The following SDK1 variants were observed in gnomAD, a reference collection of about 807,000 sequenced individuals.
The protein encoded by SDK1 is sidekick cell adhesion molecule 1, also known as protein sidekick-1.
In SDK1, 157 loss-of-function variants were observed where a neutral mutation model predicts 245.5. The observed-to-expected ratio is 0.64, with a 90% CI of 0.56 to 0.73. The LOEUF (loss-of-function observed/expected upper bound fraction) is 0.73. Among genes scored for constraint, SDK1 ranks in the 30% least tolerant of loss-of-function variants. The pLI, the probability that SDK1 is intolerant of heterozygous loss-of-function variation, is 0.00. For synonymous variants in SDK1, 1,647 were observed against 1,278.5 expected, an observed-to-expected ratio of 1.29 and a Z score of -6.15; for missense variants, 3,583 against 3,002.3, an observed-to-expected ratio of 1.19 and a Z score of -4.52.
chr7:3,563,786 C>A (rs966378450), intron 1 of SDK1, among the ~76,000 whole-genome samples: 1 of 151,796 alleles, frequency 6.6e-6, no homozygotes, highest in African/African-American at 2.4e-5. Context: ...AAAAATAAAC[C>A]GTGTATTATG....
Position 3,845,593 on chromosome 7 carries a change from C to T in SDK1, c.847+24010C>T, listed in dbSNP as rs530897748. Among the ~76,000 whole-genome samples the T allele has an allele frequency of 3.1e-4, 47 of 151,266 alleles. 1 individual carries two copies. In the South Asian group the frequency reaches 8.2e-3, roughly 26 times the overall value. On this transcript the variant is annotated intron_variant, in intron 5 of 44. Transcript: ENST00000404826. The stretch of plus-strand genomic sequence containing the variant: ...TAGGCAGGCCAGCGAGACTGGAAAC[C>T]AGGTAACAAAAGTGCCCTAAAAGCC...
chr7:4,234,597 C>G (rs1263453415), intron 41 of SDK1, among the ~76,000 whole-genome samples: 1 of 152,152 alleles, frequency 6.6e-6, no homozygotes, highest in Non-Finnish European at 1.5e-5. Flanking sequence ...AAAGCTGGTC[C>G]CTGGTTGTGG....
chr7:4,154,368 G>C (rs991657666), intron 30 of SDK1, among the ~76,000 whole-genome samples: 1 of 152,138 alleles, frequency 6.6e-6, no homozygotes, highest in Non-Finnish European at 1.5e-5. Context: ...CCTGAGTTTG[G>C]GATGATTAGA....
chr7:3,487,754 C>CAAAAAAA (rs764105126), intron 1 of SDK1, among the ~76,000 whole-genome samples: 144 of 64,672 alleles, frequency 2.2e-3, no homozygotes, highest in Non-Finnish European at 2.5e-3. Flanking sequence ...GACCCCATCT[C>CAAAAAAA]AAAAAAAAAA....
At chr7:3,366,096 G>A (rs926634250) in intron 1 of SDK1, among the ~76,000 whole-genome samples, 1 of 150,166 alleles carries the variant, frequency 6.7e-6, no homozygotes, top group Non-Finnish European at 1.5e-5. Flanking sequence ...TTACCGATTC[G>A]ATGTTAATAG....
rs558081838 is a variant in SDK1 at position 4,135,903 on chromosome 7, A to G, written c.4228+3480A>G. The stretch of plus-strand genomic sequence containing the variant: ...TGGTCCTAGTATTCCCGTTGCATGC[A>G]GCAGTGGTGTGCTGCCTTGATTTGT... On this transcript the variant is annotated intron_variant, in intron 28 of 44. Transcript: ENST00000404826. Among the ~76,000 whole-genome samples, 291 of 152,320 alleles carry G rather than the reference A, an allele frequency of 1.9e-3. 1 individual carries two copies. Among genetic ancestry groups the G allele is most frequent in the African/African-American group, 6.8e-3 (284 of 41,576 alleles).
At chr7:3,868,156 C>T (rs2057921) in intron 5 of SDK1, among the ~76,000 whole-genome samples, 52,984 of 152,122 alleles carry the variant, frequency 0.35, 14,077 homozygotes, top group African/African-American at 0.75. Context: ...GTCAGCCTTA[C>T]AAATTGGGAA....
intron 17 of SDK1, among the ~76,000 whole-genome samples, chr7:4,046,844 G>A (rs1188921404): frequency 6.6e-6 from 1 of 150,926 alleles, no homozygotes; most frequent in Non-Finnish European, 1.5e-5. Flanking sequence ...TTTTTTGAGA[G>A]CGGGTCTTGC....
intron 35 of SDK1, among the ~76,000 whole-genome samples, chr7:4,195,782 C>A (rs975899732): frequency 6.6e-6 from 1 of 152,112 alleles, no homozygotes; most frequent in African/African-American, 2.4e-5. Flanking sequence ...AGCAGTGCCG[C>A]AGGAGCTCTG....
chr7:3,354,328 C>CG (rs964856480), intron 1 of SDK1, among the ~76,000 whole-genome samples: 2 of 149,118 alleles, frequency 1.3e-5, no homozygotes, highest in African/African-American at 4.9e-5. Flanking sequence ...TTAAGTCAAA[C>CG]GGAAAAAAAA....
intron 5 of SDK1, among the ~76,000 whole-genome samples, chr7:3,907,159 CT>C (rs1778980561): frequency 6.6e-6 from 1 of 152,078 alleles, no homozygotes; most frequent in Non-Finnish European, 1.5e-5. Flanking sequence ...AAACTTAAAA[CT>C]TGCCATTTTA....
Position 4,265,190 on chromosome 7 carries a change from C to A in SDK1, c.6448C>A (p.Pro2150Thr). ...HSFVNHYMSD[P>T]TYYNSWKRRA... Reference sequence around the variant, plus strand: ...CTTCGTGAACCACTACATGAGCGACCCCACCTACTACAACTCATGGAAGCG... The same window carrying A: ...CTTCGTGAACCACTACATGAGCGACACCACCTACTACAACTCATGGAAGCG... Residue 2150 changes from proline to threonine, a missense_variant, in exon 45 of 45, where the codon CCC becomes ACC. Transcript: ENST00000404826. 6.2e-7 allele frequency: 1 copy of A among 1,612,144 alleles called. No homozygotes were observed. Among genetic ancestry groups the A allele is most frequent in the Non-Finnish European group, 8.5e-7 (1 of 1,179,636 alleles).
intron 1 of SDK1, among the ~76,000 whole-genome samples, chr7:3,514,126 C>G (rs1358461265): frequency 6.6e-6 from 1 of 152,104 alleles, no homozygotes; most frequent in Non-Finnish European, 1.5e-5. Context: ...GACGACAAGA[C>G]AGGTTATCAG....
At chr7:3,527,771 G>C (rs73035975) in intron 1 of SDK1, among the ~76,000 whole-genome samples, 14,159 of 150,522 alleles carry the variant, frequency 0.094, 923 homozygotes, top group African/African-American at 0.18. Context: ...AGTAGTGGTA[G>C]GTGAGGTTGG....
intron 14 of SDK1, among the ~76,000 whole-genome samples, chr7:4,001,543 T>C (rs760146127): frequency 6.6e-6 from 1 of 152,218 alleles, no homozygotes; most frequent in Non-Finnish European, 1.5e-5. Flanking sequence ...TTGGGCTGCA[T>C]CCATTAGCTG....
intron 5 of SDK1, among the ~76,000 whole-genome samples, chr7:3,854,097 G>C (rs1433038652): frequency 6.6e-6 from 1 of 152,080 alleles, no homozygotes; most frequent in Non-Finnish European, 1.5e-5. Context: ...TGAGAGTATG[G>C]AATAGGGGTT....
intron 1 of SDK1, among the ~76,000 whole-genome samples, chr7:3,575,357 A>G (rs534134064): frequency 3.3e-5 from 5 of 152,128 alleles, no homozygotes; most frequent in African/African-American, 1.2e-4. Context: ...GACTTCTTCT[A>G]ACCCTTATTA....
At chr7:3,538,328 G>T (rs1247997568) in intron 1 of SDK1, among the ~76,000 whole-genome samples, 3 of 152,094 alleles carry the variant, frequency 2.0e-5, no homozygotes, top group African/African-American at 7.2e-5. Context: ...ACCTTTAAAA[G>T]AAAATCCTGT....
At chr7:3,879,487 C>T (rs575659141) in intron 5 of SDK1, among the ~76,000 whole-genome samples, 3 of 152,294 alleles carry the variant, frequency 2.0e-5, no homozygotes, top group African/African-American at 7.2e-5. Context: ...AGCACCCTGA[C>T]TCCTGGACCC....
Sources: gnomAD v4.1 joint callset for allele counts (sites outside exome capture counted in the v4.1 genomes callset) on GRCh38, gnomAD v4.1.1 for gene constraint, MANE v1.5 for transcripts, NCBI Gene and HGNC (gene_info 2026-07-23, HGNC 2026-07-21) for gene names.